ADCY10: variants seen among roughly 807,000 people sequenced by gnomAD.
ADCY10 encodes adenylate cyclase type 10.
A neutral mutation model predicts 183.3 loss-of-function variants in ADCY10; 156 were observed. The observed-to-expected ratio is 0.85, with a 90% CI of 0.75 to 0.97. The LOEUF is 0.97. Ranked by LOEUF, ADCY10 falls within the 50% of genes least tolerant of loss-of-function variation. The pLI, the probability that ADCY10 is intolerant of heterozygous loss-of-function variation, is 0.00. For missense variants in ADCY10, 1,745 were observed against 1,934.3 expected (o/e 0.90, Z 1.84); for synonymous variants, 645 against 670.0 (o/e 0.96, Z 0.58).
At chr1:167,836,778 C>T (rs1664238513) in intron 22 of ADCY10, among the ~76,000 whole-genome samples, 1 of 152,130 alleles carries the variant, frequency 6.6e-6, no homozygotes, top group African/African-American at 2.4e-5. Flanking sequence ...GTAATCCCAG[C>T]ACTTTGGGAG....
At position 167,824,650 on chromosome 1, in the gene ADCY10, C is replaced by T. The variant is rs375703488; in HGVS notation, c.3955+1G>A. The T allele has an allele frequency of 6.2e-7, 1 of 1,614,176 alleles. No individual in the cohort carries two copies. Among genetic ancestry groups the T allele is most frequent in the Non-Finnish European group, 8.5e-7 (1 of 1,180,036 alleles). Reference sequence around the variant, plus strand: ...TCCCATCTTGCCCAGCCAGCCCTTACCTAACTCAATGGCCAAATCCAGGTG... The same window carrying T: ...TCCCATCTTGCCCAGCCAGCCCTTATCTAACTCAATGGCCAAATCCAGGTG... On this transcript the variant is annotated splice_donor_variant, in intron 27 of 32. Coordinates refer to ENST00000367851, the MANE Select transcript of ADCY10 (RefSeq NM_018417.6). LOFTEE classifies it high-confidence loss of function.
intron 1 of ADCY10, among the ~76,000 whole-genome samples, chr1:167,910,595 G>A (rs1379208039): frequency 6.6e-6 from 1 of 152,182 alleles, no homozygotes; most frequent in Non-Finnish European, 1.5e-5. Context: ...CAAGATTAAA[G>A]TTCATGGGAA....
chr1:167,823,086 C>T lies in ADCY10; in HGVS notation c.4090G>A (p.Glu1364Lys), dbSNP rs767880875. 6.2e-7 allele frequency: 1 copy of T among 1,614,106 alleles called. No homozygotes were observed. The highest frequency in any genetic ancestry group is 1.1e-5 in the South Asian group (1 of 91,076). The part of the protein sequence containing the change: ...QLIQVLGRLW[E>K]LSVTQEHIFS... ...ATGTGTTCCTGTGTTACAGAAAGCT[C>T]CCACAGCCGCCCCAGCACCTGGATC... The change falls in exon 29 of 33, where the codon GAG (glutamate) becomes AAG (lysine). Residue 1364 changes from glutamate (E) to lysine (K), a missense_variant. Glu to Lys is a moderately conservative substitution (Grantham distance 56). Coordinates refer to ENST00000367851, the MANE Select transcript of ADCY10 (RefSeq NM_018417.6).
At chr1:167,845,351 G>A (rs1042080936) in intron 21 of ADCY10, among the ~76,000 whole-genome samples, 3 of 152,116 alleles carry the variant, frequency 2.0e-5, no homozygotes, top group Non-Finnish European at 2.9e-5. Flanking sequence ...CTCCCTGACA[G>A]TTATAGTGAG....
intron 21 of ADCY10, among the ~76,000 whole-genome samples, chr1:167,842,510 G>C (rs565947259): frequency 6.6e-6 from 1 of 151,970 alleles, no homozygotes; most frequent in Non-Finnish European, 1.5e-5. Flanking sequence ...TCCACACTTT[G>C]GGAGGTTCAG....
intron 24 of ADCY10, 41 bp from the exon 25 acceptor site, chr1:167,833,203 G>A (rs768108697): frequency 1.8e-5 from 29 of 1,582,994 alleles, no homozygotes; most frequent in African/African-American, 1.2e-4. Context: ...AGAGGAAAAC[G>A]ATGATTCTAA....
At chr1:167,810,964 G>T in intron 31 of ADCY10, 51 bp from the exon 32 acceptor site, 2 of 1,533,184 alleles carry the variant, frequency 1.3e-6, no homozygotes, top group South Asian at 1.1e-5. Context: ...AGGGGTCCTT[G>T]ACTGTAAGTT....
At chr1:167,855,185 TGG>T (rs1298068281) in intron 17 of ADCY10, among the ~76,000 whole-genome samples, 1 of 152,100 alleles carries the variant, frequency 6.6e-6, no homozygotes, top group Non-Finnish European at 1.5e-5. Context: ...CTGGGCGTAG[TGG>T]GGCATGCCTG....
At chr1:167,875,077 G>A in intron 13 of ADCY10, 54 bp downstream of exon 13, 1 of 1,362,812 alleles carries the variant, frequency 7.3e-7, no homozygotes, top group East Asian at 2.3e-5. Context: ...GTACTTTTCT[G>A]CATGTTTTGT....
At chr1:167,892,767 T>C (rs1413477686) in intron 8 of ADCY10, among the ~76,000 whole-genome samples, 2 of 152,194 alleles carry the variant, frequency 1.3e-5, no homozygotes, top group African/African-American at 4.8e-5. Context: ...TTACAAAGAT[T>C]TCCTCCAGGA....
chr1:167,850,658 G>T (rs1665401347), intron 18 of ADCY10, among the ~76,000 whole-genome samples: 1 of 117,854 alleles, frequency 8.5e-6, no homozygotes, highest in African/African-American at 3.9e-5. Flanking sequence ...ACCAAAAAGG[G>T]GGCCGTGTGT....
At chr1:167,820,384 T>G in intron 30 of ADCY10, 2 of 571,150 alleles carry the variant, frequency 3.5e-6, no homozygotes, top group Non-Finnish European at 5.9e-6. Flanking sequence ...CTAGCCCGCC[T>G]GGCTCAGCAC....
intron 24 of ADCY10, among the ~76,000 whole-genome samples, 156 bp from the exon 25 acceptor site, chr1:167,833,318 G>A (rs566819289): frequency 6.6e-6 from 1 of 152,302 alleles, no homozygotes; most frequent in Non-Finnish European, 1.5e-5. Context: ...AATAGAAAAT[G>A]TCTATTGGAT....
At chr1:167,826,155 T>G (rs1663272209) in intron 26 of ADCY10, among the ~76,000 whole-genome samples, 1 of 152,174 alleles carries the variant, frequency 6.6e-6, no homozygotes, top group South Asian at 2.1e-4. Flanking sequence ...CTTAGAGAAT[T>G]CCTTTCTTTC....
intron 8 of ADCY10, among the ~76,000 whole-genome samples, chr1:167,891,460 T>C (rs1668582617): frequency 6.6e-6 from 1 of 151,150 alleles, no homozygotes; most frequent in South Asian, 2.1e-4. Context: ...ATCGAGACCA[T>C]CCTGGCTAAC....
chr1:167,881,692 A>C (rs1293495823), intron 9 of ADCY10, among the ~76,000 whole-genome samples: 1 of 152,232 alleles, frequency 6.6e-6, no homozygotes, highest in Non-Finnish European at 1.5e-5. Flanking sequence ...AACTTTCCAC[A>C]ATCATTTGAG....
At chr1:167,817,810 C>A (rs1662621514) in intron 31 of ADCY10, among the ~76,000 whole-genome samples, 1 of 151,986 alleles carries the variant, frequency 6.6e-6, no homozygotes, top group Non-Finnish European at 1.5e-5. Context: ...TATTTAATAG[C>A]AAATTACAAA....
intron 24 of ADCY10, among the ~76,000 whole-genome samples, chr1:167,833,533 G>C (rs756888624): frequency 4.0e-4 from 61 of 152,122 alleles, no homozygotes; most frequent in Non-Finnish European, 6.5e-4. Context: ...ATCACTTGAG[G>C]TCAGGAGTTT....
chr1:167,850,993 G>A (rs541169846), intron 18 of ADCY10, among the ~76,000 whole-genome samples: 1 of 151,990 alleles, frequency 6.6e-6, no homozygotes, highest in African/African-American at 2.4e-5. Context: ...GAAATAAAAG[G>A]GTGATAGACA....
Sources: gnomAD v4.1 joint callset for allele counts (sites outside exome capture counted in the v4.1 genomes callset) on GRCh38, gnomAD v4.1.1 for gene constraint, MANE v1.5 for transcripts, NCBI Gene and HGNC (gene_info 2026-07-23, HGNC 2026-07-21) for gene names.